ANXA8: variants seen among roughly 807,000 people sequenced by gnomAD.
ANXA8 encodes VAC-beta.
A neutral mutation model predicts 26.8 loss-of-function variants in ANXA8; 9 were observed. The observed-to-expected ratio is 0.34, with a 90% CI of 0.20 to 0.59. The LOEUF (loss-of-function observed/expected upper bound fraction) is 0.59, where lower values mean the gene tolerates loss of function less well. Ranked by LOEUF, ANXA8 falls within the 20% of genes least tolerant of loss-of-function variation. The probability of loss-of-function intolerance (pLI) is 0.84; values close to 1 mark genes in which losing one functional copy is unlikely to be tolerated. For synonymous variants in ANXA8, 39 were observed against 94.8 expected (o/e 0.41, Z 3.42); for missense variants, 83 against 238.5 (o/e 0.35, Z 4.29).
chr10:47,957,443 C>A, the ANXA8 span, among the ~76,000 whole-genome samples: 2 of 150,576 alleles, frequency 1.3e-5, no homozygotes, highest in South Asian at 2.1e-4. Flanking sequence ...AGGGCCCCAC[C>A]TGAGCCTCTG....
At chr10:47,589,508 C>A in the ANXA8 span, 7 of 146,228 alleles carry the variant, frequency 4.8e-5, no homozygotes, top group South Asian at 2.1e-4. Flanking sequence ...CAGGCTAGAG[C>A]CTAAAGAGAA....
At chr10:47,652,118 A>C in the ANXA8 span, among the ~76,000 whole-genome samples, 1 of 151,848 alleles carries the variant, frequency 6.6e-6, no homozygotes, top group African/African-American at 2.4e-5. Flanking sequence ...AAAAGAGATC[A>C]ATGGTTTCTA....
chr10:47,638,925 A>G, the ANXA8 span, among the ~76,000 whole-genome samples: 1 of 145,970 alleles, frequency 6.9e-6, no homozygotes, highest in Non-Finnish European at 1.5e-5. Context: ...ATCCAAACGT[A>G]TGTTTTTAAA....
chr10:47,753,126 A>C, the ANXA8 span: 1 of 980,844 alleles, frequency 1.0e-6, no homozygotes, highest in Non-Finnish European at 1.2e-6. Context: ...TAAAATAAAA[A>C]AAAAAAAGAA....
the ANXA8 span, among the ~76,000 whole-genome samples, chr10:47,693,840 T>C: frequency 6.6e-6 from 1 of 152,132 alleles, no homozygotes; most frequent in East Asian, 1.9e-4. Context: ...TGGGCAATTA[T>C]TGTAAATGAA....
chr10:47,495,793 G>A, the ANXA8 span, among the ~76,000 whole-genome samples: 3 of 150,936 alleles, frequency 2.0e-5, no homozygotes, highest in Non-Finnish European at 2.9e-5. Flanking sequence ...CAGAACCAAC[G>A]CAGGAAGCCA....
the ANXA8 span, among the ~76,000 whole-genome samples, chr10:47,548,626 C>G: frequency 8.2e-6 from 1 of 121,538 alleles, no homozygotes; most frequent in Non-Finnish European, 1.7e-5. Context: ...CTTTTTTTTG[C>G]TAATGTAAAA....
chr10:47,659,236 T>A, the ANXA8 span, among the ~76,000 whole-genome samples: 1 of 151,804 alleles, frequency 6.6e-6, no homozygotes, highest in Non-Finnish European at 1.5e-5. Context: ...CCATTGCATG[T>A]TTCTTCCAGA....
the ANXA8 span, among the ~76,000 whole-genome samples, chr10:47,894,568 AC>A: frequency 0.2 from 27,406 of 137,584 alleles, 77 homozygotes; most frequent in Middle Eastern, 0.23. Context: ...CACACACCAC[AC>A]ATGCACATCA....
chr10:47,720,179 A>G, the ANXA8 span: 1 of 1,293,856 alleles, frequency 7.7e-7, no homozygotes, highest in African/African-American at 1.6e-5. Flanking sequence ...AGAGAATAAA[A>G]TTTTCCCTGA....
the ANXA8 span, among the ~76,000 whole-genome samples, chr10:47,528,265 A>G: frequency 7.0e-6 from 1 of 142,412 alleles, no homozygotes; most frequent in Non-Finnish European, 1.5e-5. Context: ...ATTTTTAGTA[A>G]AGATGGGGTT....
chr10:47,946,747 C>T, the ANXA8 span, among the ~76,000 whole-genome samples: 1 of 151,330 alleles, frequency 6.6e-6, no homozygotes, highest in Admixed American at 6.6e-5. Context: ...GGCTGGAGTG[C>T]AGTGGCATGA....
the ANXA8 span, among the ~76,000 whole-genome samples, chr10:47,508,877 GA>G: frequency 8.4e-6 from 1 of 118,528 alleles, no homozygotes; most frequent in African/African-American, 4.0e-5. Flanking sequence ...CTTGCATTTT[GA>G]AAAAAACCTT....
the ANXA8 span, among the ~76,000 whole-genome samples, chr10:47,632,001 G>A: frequency 8.5e-5 from 13 of 152,166 alleles, no homozygotes; most frequent in Admixed American, 3.3e-4. Context: ...TGCTTGCACT[G>A]CTTAAAGATT....
chr10:47,762,186 C>A, the ANXA8 span, among the ~76,000 whole-genome samples: 12 of 151,446 alleles, frequency 7.9e-5, no homozygotes, highest in African/African-American at 2.9e-4. Flanking sequence ...GGTGAGCACG[C>A]GCTTAGGGGA....
the ANXA8 span, among the ~76,000 whole-genome samples, chr10:47,694,432 T>C: frequency 4.2e-4 from 62 of 146,408 alleles, no homozygotes; most frequent in South Asian, 0.013. Context: ...TTTTTTTTTT[T>C]TTTTTTGAGA....
At chr10:47,954,871 T>C in the ANXA8 span, among the ~76,000 whole-genome samples, 1 of 151,124 alleles carries the variant, frequency 6.6e-6, no homozygotes, top group Admixed American at 6.6e-5. Flanking sequence ...TGCTGCAGAA[T>C]GGAACACTAC....
chr10:47,743,758 AC>A, the ANXA8 span, among the ~76,000 whole-genome samples: 5 of 150,444 alleles, frequency 3.3e-5, no homozygotes, highest in African/African-American at 1.2e-4. Context: ...CCAGCACCCC[AC>A]GCCCGCAAGC....
At chr10:47,925,737 C>T in the ANXA8 span, among the ~76,000 whole-genome samples, 6 of 148,338 alleles carry the variant, frequency 4.0e-5, no homozygotes, top group African/African-American at 1.5e-4. Context: ...CTCTAAGAAA[C>T]AGGTTGCCCT....
Sources: gnomAD v4.1 joint callset for allele counts (sites outside exome capture counted in the v4.1 genomes callset) on GRCh38, gnomAD v4.1.1 for gene constraint, MANE v1.5 for transcripts, NCBI Gene and HGNC (gene_info 2026-07-23, HGNC 2026-07-21) for gene names.